The following HACD4 variants were observed in gnomAD, a reference collection of about 807,000 sequenced individuals.
The protein encoded by HACD4 is very-long-chain (3R)-3-hydroxyacyl-CoA dehydratase 4.
HACD4 carries 35 observed loss-of-function variants against 33.3 expected under a neutral mutation model. The observed-to-expected ratio is 1.05, with a 90% CI of 0.80 to 1.39. The LOEUF (loss-of-function observed/expected upper bound fraction) is 1.39, where lower values mean the gene tolerates loss of function less well. Ranked by LOEUF, HACD4 falls within the 40% of genes most tolerant of loss-of-function variation. The pLI is 0.00. For synonymous variants in HACD4, 118 were observed against 98.0 expected (o/e 1.20, Z -1.21); for missense variants, 323 against 276.5 (o/e 1.17, Z -1.19).
chr9:21,029,707 C>T lies in HACD4; in HGVS notation c.39-309G>A, dbSNP rs7037601. ...AAATGCATGTAATACAACTGATCTA[C>T]AGAACATCACAGCTTAGCCTAGTCT... On this transcript the variant is annotated intron_variant, in intron 1 of 6. Coordinates refer to ENST00000495827, the MANE Select transcript of HACD4 (RefSeq NM_001010915.5). Among the ~76,000 whole-genome samples, 1,413 of 152,288 alleles carry T rather than the reference C, an allele frequency of 9.3e-3. 33 individuals are homozygous for T. Among genetic ancestry groups the T allele is most frequent in the African/African-American group, 0.031 (1,303 of 41,542 alleles).
chr9:21,010,381 C>A (rs1842383327), intron 5 of HACD4, among the ~76,000 whole-genome samples: 1 of 146,488 alleles, frequency 6.8e-6, no homozygotes, highest in African/African-American at 2.6e-5. Flanking sequence ...ATAATTCATT[C>A]TGTGTTCATT....
rs953722208 is a variant in HACD4 at position 21,002,099 on chromosome 9, T to C, written c.*4938A>G. The stretch of plus-strand genomic sequence containing the variant: ...AATTTTGTGAAACTTAAAGGAGTGA[T>C]AGACAGAGATATAAAGAGCAGAATT... On this transcript the variant is annotated 3_prime_UTR_variant, in exon 7 of 7. Coordinates refer to ENST00000495827, the MANE Select transcript of HACD4 (RefSeq NM_001010915.5). 2 of 152,148 alleles carry C rather than the reference T, an allele frequency of 1.3e-5. No homozygotes were observed. Among genetic ancestry groups the C allele is most frequent in the Middle Eastern group, 3.2e-3 (1 of 316 alleles). 9.4% of individuals were successfully genotyped at this position (152,148 alleles called of 1,614,324 possible).
intron 3 of HACD4, among the ~76,000 whole-genome samples, chr9:21,024,104 T>C (rs1419371): frequency 0.92 from 140,502 of 152,320 alleles, 65,256 homozygotes; most frequent in East Asian, 1. Flanking sequence ...GTCTGCATAA[T>C]TCTAATATAG....
intron 4 of HACD4, among the ~76,000 whole-genome samples, chr9:21,014,491 A>T (rs944688360): frequency 6.6e-6 from 1 of 152,184 alleles, no homozygotes; most frequent in Non-Finnish European, 1.5e-5. Flanking sequence ...GACTCCATTT[A>T]TATGAACTTT....
chr9:21,010,467 C>CTG (rs1554757247), intron 5 of HACD4, among the ~76,000 whole-genome samples: 2 of 117,768 alleles, frequency 1.7e-5, no homozygotes, highest in Non-Finnish European at 3.7e-5. Context: ...CCCCCCCCCC[C>CTG]CCCAGAGCTT....
Position 21,001,086 on chromosome 9 carries a change from AC to A in HACD4, c.*5950del, listed in dbSNP as rs762190699. ...GAAAGTATGTCCCTTTCAAATGAAA[AC>A]AAAAACAAAAACTATCTCTGAAAAA... On this transcript the variant is annotated 3_prime_UTR_variant, in exon 7 of 7. Transcript: ENST00000495827. The A allele has an allele frequency of 5.9e-5, 9 of 152,136 alleles. No homozygotes were observed. Among genetic ancestry groups the A allele is most frequent in the Non-Finnish European group, 8.8e-5 (6 of 67,992 alleles). The allele number at this position is 152,136 out of a possible 1,614,324, so 9.4% of individuals were successfully genotyped here.
rs771076320 is a variant in HACD4, at chr9:21,004,379, C to G, written c.*2658G>C. Reference sequence around the variant, plus strand: ...AACAAATACATGACATTAATGAATACTCTATCAGAGCACTAGGGACTGAAT... The same window carrying G: ...AACAAATACATGACATTAATGAATAGTCTATCAGAGCACTAGGGACTGAAT... On this transcript the variant is annotated 3_prime_UTR_variant, in exon 7 of 7. Transcript: ENST00000495827. This position sits in a 1 kb window ranked among gnomAD's most constrained non-coding sequence, Gnocchi z 4.6. The G allele has an allele frequency of 3.9e-5, 6 of 152,172 alleles. No homozygotes were observed. Among genetic ancestry groups the G allele is most frequent in the Admixed American group, 6.5e-5 (1 of 15,270 alleles). The allele number at this position is 152,172 out of a possible 1,614,324, so 9.4% of individuals were successfully genotyped here. A position where few individuals can be genotyped will look rare whatever the true frequency, so the allele number is the denominator to read the frequency against.
Position 21,023,022 on chromosome 9 carries a change from C to T in HACD4, c.270+3574G>A, listed in dbSNP as rs185797173. Among the ~76,000 whole-genome samples, 1,133 of 152,110 alleles carry T rather than the reference C, an allele frequency of 7.4e-3. 25 individuals carry two copies. Among genetic ancestry groups the T allele is most frequent in the African/African-American group, 0.026 (1,079 of 41,476 alleles). The stretch of plus-strand genomic sequence containing the variant: ...AGAAAATGTGGCACATATACACCAC[C>T]GAATACTATGCAGCCATAAAAAATG... On this transcript the variant is annotated intron_variant, in intron 3 of 6. Coordinates refer to ENST00000495827, the MANE Select transcript of HACD4 (RefSeq NM_001010915.5).
intron 3 of HACD4, among the ~76,000 whole-genome samples, chr9:21,023,236 G>T (rs1468299131): frequency 7.4e-6 from 1 of 135,590 alleles, no homozygotes; most frequent in Non-Finnish European, 1.6e-5. Context: ...GGGGAGGGGG[G>T]AGGAATAGCA....
Position 21,002,367 on chromosome 9 carries a change from T to A in HACD4, c.*4670A>T, listed in dbSNP as rs1302558294. 3 of 152,108 alleles carry A rather than the reference T, an allele frequency of 2.0e-5. No homozygotes were observed. Among genetic ancestry groups the A allele is most frequent in the Non-Finnish European group, 4.4e-5 (3 of 67,968 alleles). The allele number at this position is 152,108 out of a possible 1,614,324, so 9.4% of individuals were successfully genotyped here. On this transcript the variant is annotated 3_prime_UTR_variant, in exon 7 of 7. Transcript: ENST00000495827. ...CAAAATGACAGGAGTAAGTCCCTCC[T>A]TATCAGTCATCCTCAAAAAGGAAGA...
At chr9:21,012,587 A>C (rs1461474339) in intron 4 of HACD4, among the ~76,000 whole-genome samples, 1 of 152,218 alleles carries the variant, frequency 6.6e-6, no homozygotes, top group Non-Finnish European at 1.5e-5. Context: ...TCTTTCAAAA[A>C]TGTTTTTGCA....
At position 20,999,651 on chromosome 9, in the gene HACD4, T is replaced by C. The variant is rs922245929; in HGVS notation, c.*7386A>G. 3.9e-5 allele frequency: 6 copies of C among 152,192 alleles called. No homozygotes were observed. The highest frequency in any genetic ancestry group is 1.4e-4 in the African/African-American group (6 of 41,464). The allele number at this position is 152,192 out of a possible 1,614,324, so 9.4% of individuals were successfully genotyped here. A position where few individuals can be genotyped will look rare whatever the true frequency, so the allele number is the denominator to read the frequency against. ...TGTCTTCTAAATATAAGGAACGCTT[T>C]GAGATACAATTGAAATTCATTACCT... On this transcript the variant is annotated 3_prime_UTR_variant, in exon 7 of 7. Coordinates refer to ENST00000495827, the MANE Select transcript of HACD4 (RefSeq NM_001010915.5).
At chr9:21,012,664 T>C (rs1364868938) in intron 4 of HACD4, among the ~76,000 whole-genome samples, 4 of 152,206 alleles carry the variant, frequency 2.6e-5, no homozygotes, top group Non-Finnish European at 2.9e-5. Context: ...TCACTGAACA[T>C]AGCATATAAT....
At chr9:21,026,495 C>T (rs1327655953) in intron 3 of HACD4, 101 bp downstream of exon 3, 1 of 915,662 alleles carries the variant, frequency 1.1e-6, no homozygotes, top group African/African-American at 1.7e-5. Context: ...TGACCTAAGA[C>T]AAGGGTTGGC....
At chr9:21,011,791 A>T in intron 4 of HACD4, 96 bp from the exon 5 acceptor site, 1 of 645,498 alleles carries the variant, frequency 1.5e-6, no homozygotes, top group Non-Finnish European at 2.7e-6. Context: ...ATACAACTGG[A>T]AAGTGTACAA....
chr9:21,027,441 A>G (rs1818091034), intron 2 of HACD4, among the ~76,000 whole-genome samples: 1 of 152,194 alleles, frequency 6.6e-6, no homozygotes, highest in African/African-American at 2.4e-5. Flanking sequence ...CTCGTAGGGA[A>G]GATTTTGCTC....
intron 3 of HACD4, among the ~76,000 whole-genome samples, chr9:21,025,692 A>G (rs573228784): frequency 6.6e-6 from 1 of 152,338 alleles, no homozygotes; most frequent in Non-Finnish European, 1.5e-5. Context: ...ATGATTTTCT[A>G]CATGAAGTCA....
rs930837624 is a variant in HACD4 at position 21,000,949 on chromosome 9, T to A, written c.*6088A>T. 6.6e-6 allele frequency: 1 copy of A among 151,932 alleles called. No homozygotes were observed. Among genetic ancestry groups the A allele is most frequent in the Non-Finnish European group, 1.5e-5 (1 of 67,938 alleles). 9.4% of individuals were successfully genotyped at this position (151,932 alleles called of 1,614,324 possible). On this transcript the variant is annotated 3_prime_UTR_variant, in exon 7 of 7. Transcript: ENST00000495827. Reference sequence around the variant, plus strand: ...TGCTCAAGGCAGGCAAAGTAAGGAATAGTTTAAAAAAAAACATTAACTTAG... The same window carrying A: ...TGCTCAAGGCAGGCAAAGTAAGGAAAAGTTTAAAAAAAAACATTAACTTAG...
At chr9:21,013,849 T>C (rs1374645102) in intron 4 of HACD4, among the ~76,000 whole-genome samples, 1 of 152,238 alleles carries the variant, frequency 6.6e-6, no homozygotes, top group Non-Finnish European at 1.5e-5. Context: ...ATTTTTTATG[T>C]ATAAGATGTC....
Sources: allele counts gnomAD v4.1 joint callset (sites outside exome capture counted in the v4.1 genomes callset), GRCh38; gene constraint gnomAD v4.1.1; non-coding constraint Gnocchi (gnomAD v3.1); transcripts MANE v1.5; gene names NCBI Gene and HGNC (gene_info 2026-07-23, HGNC 2026-07-21).